Variants in DLEU7 observed in about 807,000 individuals in gnomAD.
DLEU7 encodes the protein leukemia-associated protein 7.
DLEU7 carries 17 observed loss-of-function variants against 16.0 expected under a neutral mutation model. That is an observed-to-expected ratio of 1.06 (90% CI 0.73 to 1.59). DLEU7 has a LOEUF of 1.59. Among genes scored for constraint, DLEU7 ranks in the 40% most tolerant of loss-of-function variants. DLEU7 has a pLI of 0.00. For missense variants in DLEU7, 308 were observed against 314.9 expected (o/e 0.98, Z 0.17); for synonymous variants, 113 against 139.8 (o/e 0.81, Z 1.35).
At chr13:50,758,346 T>A (rs953125191) in intron 1 of DLEU7, among the ~76,000 whole-genome samples, 1 of 152,140 alleles carries the variant, frequency 6.6e-6, no homozygotes, top group African/African-American at 2.4e-5. Flanking sequence ...AGATAACCAG[T>A]TAATTAAGGT....
intron 1 of DLEU7, among the ~76,000 whole-genome samples, chr13:50,827,124 T>C (rs1593412445): frequency 1.3e-5 from 2 of 152,170 alleles, no homozygotes; most frequent in East Asian, 3.9e-4. Flanking sequence ...ACAAAAATTA[T>C]AAAAACGAAC....
At chr13:50,721,127 C>A (rs1003177356) in intron 1 of DLEU7, among the ~76,000 whole-genome samples, 13 of 152,178 alleles carry the variant, frequency 8.5e-5, no homozygotes, top group African/African-American at 3.1e-4. Context: ...TGGGAGAAGC[C>A]GACTTGCTGA....
chr13:50,713,066 T>G (rs1297250668), exon 2 of DLEU7: 1 of 786,850 alleles, frequency 1.3e-6, no homozygotes, highest in Non-Finnish European at 2.1e-6. Context: ...ACCATGCAAT[T>G]GGAGACCAAT....
At position 50,843,489 on chromosome 13, in the gene DLEU7, C is replaced by T; in HGVS notation, c.158G>A (p.Arg53His). Residue 53 changes from arginine (R) to histidine (H), a missense_variant, in exon 1 of 2, where the codon CGC (arginine) becomes CAC (histidine). Arg to His is a conservative substitution (Grantham distance 29). Transcript: ENST00000504404. This position sits in a 1 kb window ranked among gnomAD's most constrained non-coding sequence, Gnocchi z 5.7. ...PDHVSTAPAR[R>H]SGPPRARPGP... The stretch of plus-strand genomic sequence containing the variant: ...CGGCCGGGCCCGCGGCGGGCCTGAG[C>T]GACGGGCTGGAGCGGTGGACACGTG... The T allele has an allele frequency of 2.2e-6, 3 of 1,358,748 alleles. No individual in the cohort carries two copies. The highest frequency in any genetic ancestry group is 2.8e-6 in the Non-Finnish European group (3 of 1,063,832). 84.2% of individuals were successfully genotyped at this position (1,358,748 alleles called of 1,614,324 possible).
At chr13:50,784,049 CCAGGCA>C (rs1875732313) in intron 1 of DLEU7, among the ~76,000 whole-genome samples, 2 of 152,330 alleles carry the variant, frequency 1.3e-5, no homozygotes, top group South Asian at 4.1e-4. Flanking sequence ...CTGTGTTTTG[CCAGGCA>C]CATGGATTTC....
At chr13:50,789,813 T>G (rs549805827) in intron 1 of DLEU7, among the ~76,000 whole-genome samples, 1 of 152,350 alleles carries the variant, frequency 6.6e-6, no homozygotes, top group East Asian at 1.9e-4. Context: ...AAAACATGTC[T>G]GCATGTCTGC....
chr13:50,718,047 G>A (rs145102298), intron 1 of DLEU7, among the ~76,000 whole-genome samples: 186 of 152,014 alleles, frequency 1.2e-3, no homozygotes, highest in Non-Finnish European at 2.2e-3. Context: ...AGAATCTCAG[G>A]CCCTCCCCCA....
intron 1 of DLEU7, among the ~76,000 whole-genome samples, chr13:50,830,940 T>C (rs572927427): frequency 6.6e-6 from 1 of 152,230 alleles, no homozygotes; most frequent in South Asian, 2.1e-4. Context: ...TATGGAACAC[T>C]CAGTTTTCTC....
At chr13:50,840,552 A>G (rs553022275) in intron 1 of DLEU7, among the ~76,000 whole-genome samples, 26 of 152,208 alleles carry the variant, frequency 1.7e-4, no homozygotes, top group Non-Finnish European at 3.5e-4. Flanking sequence ...AGACTCCAGT[A>G]GTTGTATACT....
At chr13:50,776,586 T>C (rs1375775592) in intron 1 of DLEU7, among the ~76,000 whole-genome samples, 1 of 152,174 alleles carries the variant, frequency 6.6e-6, no homozygotes, top group Admixed American at 6.5e-5. Flanking sequence ...CAATTCCTAT[T>C]CCTAAATAGT....
At chr13:50,811,269 G>A (rs948020895) in intron 1 of DLEU7, among the ~76,000 whole-genome samples, 1 of 152,146 alleles carries the variant, frequency 6.6e-6, no homozygotes, top group Admixed American at 6.6e-5. Flanking sequence ...GAAACTGAAA[G>A]TTAAGAACCG....
intron 1 of DLEU7, among the ~76,000 whole-genome samples, chr13:50,810,433 C>T (rs1876531859): frequency 6.6e-6 from 1 of 152,046 alleles, no homozygotes. Flanking sequence ...CTATTATTAC[C>T]TTTGCTTTCT....
chr13:50,831,163 A>C (rs1376766155), intron 1 of DLEU7, among the ~76,000 whole-genome samples: 1 of 149,694 alleles, frequency 6.7e-6, no homozygotes, highest in African/African-American at 2.4e-5. Flanking sequence ...GGAAGGGAAA[A>C]GAAAAGAAAA....
In DLEU7 at chr13:50,823,003, AAACT is replaced by A. The variant is rs1876961211; in HGVS notation, c.*307_*310del. 1 of 922,186 alleles carries A rather than the reference AAACT, an allele frequency of 1.1e-6. No homozygotes were observed. Among genetic ancestry groups the A allele is most frequent in the South Asian group, 4.3e-5 (1 of 23,094 alleles). 57.1% of individuals were successfully genotyped at this position (922,186 alleles called of 1,614,324 possible). A position where few individuals can be genotyped will look rare whatever the true frequency, so the allele number is the denominator to read the frequency against. On this transcript the variant is annotated 3_prime_UTR_variant, in exon 2 of 2. Coordinates refer to ENST00000504404, the MANE Select transcript of DLEU7 (RefSeq NM_001306135.2). ...TACAAATTAAGGTATCATTCAATAA[AAACT>A]AATAATATGAATAAATATATACATA...
At chr13:50,748,273 A>G (rs1236699953) in intron 1 of DLEU7, among the ~76,000 whole-genome samples, 3 of 136,744 alleles carry the variant, frequency 2.2e-5, no homozygotes, top group Non-Finnish European at 4.5e-5. Flanking sequence ...TCAGAAATCA[A>G]TCACAGGTTT....
intron 1 of DLEU7, among the ~76,000 whole-genome samples, chr13:50,808,875 G>GAA (rs80168974): frequency 2.1e-5 from 3 of 145,914 alleles, no homozygotes; most frequent in Admixed American, 1.4e-4. Flanking sequence ...ATTTCAGAAG[G>GAA]AAAAAAAAAA....
intron 1 of DLEU7, among the ~76,000 whole-genome samples, chr13:50,750,032 T>G (rs1203576226): frequency 6.6e-6 from 1 of 152,246 alleles, no homozygotes; most frequent in East Asian, 1.9e-4. Context: ...AAAAGGGTTT[T>G]TTCAGTGTTA....
chr13:50,713,860 G>A (rs949209407), intron 1 of DLEU7, among the ~76,000 whole-genome samples: 2 of 152,170 alleles, frequency 1.3e-5, no homozygotes, highest in Non-Finnish European at 2.9e-5. Context: ...TCTCCCACCT[G>A]CCTCCCTCCT....
rs1320184017 is a variant in DLEU7 at position 50,739,003 on chromosome 13, A to G, written c.460-25763T>C. ...CACACACACACACACACACACACAC[A>G]CGCACACACACACAAACACTGGCCA... On this transcript the variant is annotated intron_variant, in intron 1 of 1. Coordinates refer to the DLEU7 transcript ENST00000400393. Among the ~76,000 whole-genome samples, 38 of 87,130 alleles carry G rather than the reference A, an allele frequency of 4.4e-4. No individual in the cohort carries two copies. The East Asian group carries it at 0.012, about 28-fold the overall frequency. The allele number at this position is 87,130 out of a possible 152,430, so 57.2% of individuals were successfully genotyped here.
Sources: gnomAD v4.1 joint callset for allele counts (sites outside exome capture counted in the v4.1 genomes callset) on GRCh38, gnomAD v4.1.1 for gene constraint, Gnocchi (gnomAD v3.1) non-coding constraint, MANE v1.5 for transcripts, NCBI Gene and HGNC (gene_info 2026-07-23, HGNC 2026-07-21) for gene names.